FRAS1: variants seen among roughly 807,000 people sequenced by gnomAD.
FRAS1 encodes Fraser extracellular matrix complex subunit 1.
Under a neutral mutation model 435.2 loss-of-function variants are expected in FRAS1, and 290 were observed. The observed-to-expected ratio is 0.67, with a 90% confidence interval of 0.61 to 0.73. The LOEUF is 0.73. FRAS1 is among the 30% of genes least tolerant of loss of function. The probability of loss-of-function intolerance (pLI) is 0.00; values close to 1 mark genes in which losing one functional copy is unlikely to be tolerated. For synonymous variants in FRAS1, 1,800 were observed against 1,851.0 expected (o/e 0.97, Z 0.71); for missense variants, 4,860 against 5,001.5 (o/e 0.97, Z 0.85).
Position 78,372,890 on chromosome 4 carries a change from G to T in FRAS1, c.3010+32G>T, listed in dbSNP as rs762463772. 1.6e-5 allele frequency: 25 copies of T among 1,601,006 alleles called. No homozygotes were observed. The South Asian group carries it at 2.7e-4, about 17-fold the overall frequency. On this transcript the variant is annotated intron_variant, in intron 24 of 73. Transcript: ENST00000512123. ...GTGTAGAGGCCCTGCTCTGTGCTCAGCCATACCTTGGCCACCTCTGATTTG... is the reference window on the plus strand; with the variant it reads ...GTGTAGAGGCCCTGCTCTGTGCTCATCCATACCTTGGCCACCTCTGATTTG...
intron 50 of FRAS1, among the ~76,000 whole-genome samples, chr4:78,466,966 G>A (rs549845289): frequency 6.6e-4 from 101 of 151,978 alleles, no homozygotes; most frequent in Admixed American, 1.1e-3. Context: ...TACATAGTAG[G>A]TATATATATT....
At chr4:78,314,122 T>C (rs1729141295) in intron 15 of FRAS1, among the ~76,000 whole-genome samples, 1 of 152,166 alleles carries the variant, frequency 6.6e-6, no homozygotes, top group African/African-American at 2.4e-5. Flanking sequence ...TTTTCTTAAA[T>C]GCTGATGCTA....
chr4:78,408,260 G>A (rs1457176051), intron 31 of FRAS1, among the ~76,000 whole-genome samples: 1 of 152,108 alleles, frequency 6.6e-6, no homozygotes, highest in Non-Finnish European at 1.5e-5. Flanking sequence ...TGGGAATTAT[G>A]GGAGCTATGA....
chr4:78,083,693 C>T (rs1424296551), intron 2 of FRAS1, among the ~76,000 whole-genome samples: 2 of 133,276 alleles, frequency 1.5e-5, no homozygotes, highest in East Asian at 2.4e-4. Context: ...AAGGGGTACA[C>T]GGTTGTCTTT....
Position 78,115,364 on chromosome 4 carries a change from T to C in FRAS1, c.108+49348T>C, listed in dbSNP as rs555202873. Among the ~76,000 whole-genome samples, 194 of 152,174 alleles carry C rather than the reference T, an allele frequency of 1.3e-3. 1 individual carries two copies. Among genetic ancestry groups the C allele is most frequent in the African/African-American group, 1.4e-3 (58 of 41,534 alleles). Reference sequence around the variant, plus strand: ...CTCATAAAATAACTTAGGGAGGATTTCCTCTTTTTCTATTGATTGGAATAG... The same window carrying C: ...CTCATAAAATAACTTAGGGAGGATTCCCTCTTTTTCTATTGATTGGAATAG... On this transcript the variant is annotated intron_variant, in intron 2 of 73. Transcript: ENST00000512123.
chr4:78,074,860 G>C (rs188744888), intron 2 of FRAS1, among the ~76,000 whole-genome samples: 6 of 152,268 alleles, frequency 3.9e-5, no homozygotes. Flanking sequence ...TAACCGATAA[G>C]CTAAGTTGGA....
chr4:78,306,355 C>T (rs1217489541), intron 14 of FRAS1, among the ~76,000 whole-genome samples: 3 of 148,260 alleles, frequency 2.0e-5, no homozygotes, highest in Non-Finnish European at 4.5e-5. Context: ...AGTTGCTCTT[C>T]TCGAGGAGTA....
At position 78,464,094 on chromosome 4, in the gene FRAS1, T is replaced by C; in HGVS notation, c.6837T>C (p.Ala2279=). The change falls in exon 48 of 74, where the codon GCT becomes GCC. Residue 2279 remains alanine, a synonymous_variant. Coordinates refer to ENST00000512123, the MANE Select transcript of FRAS1 (RefSeq NM_025074.7). ...TTCAGTATGTCCATTCTAGTGAGGC[T>C]GAGAAACATTCAGATGCCTTCAGCT... ...RNVQYVHSSE[A]EKHSDAFSFT... is the part of the protein sequence containing the mutation. The C allele has an allele frequency of 6.2e-7, 1 of 1,613,764 alleles. No individual in the cohort carries two copies. The highest frequency in any genetic ancestry group is 8.5e-7 in the Non-Finnish European group (1 of 1,179,826).
At chr4:78,531,630 T>C (rs778083284) in intron 70 of FRAS1, among the ~76,000 whole-genome samples, 16 of 152,232 alleles carry the variant, frequency 1.1e-4, no homozygotes, top group Non-Finnish European at 2.1e-4. Context: ...TTCTCCCCTG[T>C]TGTCACCTTC....
intron 11 of FRAS1, among the ~76,000 whole-genome samples, 156 bp downstream of exon 11, chr4:78,281,589 C>A (rs1204840379): frequency 6.6e-6 from 1 of 152,164 alleles, no homozygotes; most frequent in African/African-American, 2.4e-5. Flanking sequence ...AATGATAACT[C>A]AGACTTTGAT....
intron 58 of FRAS1, among the ~76,000 whole-genome samples, chr4:78,483,650 A>G (rs1020210387): frequency 4.0e-5 from 6 of 151,574 alleles, no homozygotes; most frequent in African/African-American, 1.5e-4. Flanking sequence ...CAAAAAGCGT[A>G]TACTATGAAA....
At chr4:78,254,870 C>T (rs1020810758) in intron 5 of FRAS1, among the ~76,000 whole-genome samples, 3 of 151,880 alleles carry the variant, frequency 2.0e-5, no homozygotes, top group African/African-American at 7.3e-5. Context: ...GGGAGGATAC[C>T]CTCACAGACA....
chr4:78,149,013 G>T (rs1049819700), intron 2 of FRAS1, among the ~76,000 whole-genome samples: 3 of 152,168 alleles, frequency 2.0e-5, no homozygotes, highest in Non-Finnish European at 4.4e-5. Flanking sequence ...TTTCTTTGGG[G>T]AGAGCTATTT....
At chr4:78,275,000 G>T (rs1726920635) in intron 9 of FRAS1, among the ~76,000 whole-genome samples, 1 of 152,158 alleles carries the variant, frequency 6.6e-6, no homozygotes, top group Non-Finnish European at 1.5e-5. Flanking sequence ...GGGTGCTCCT[G>T]TATTGGGTTC....
intron 2 of FRAS1, among the ~76,000 whole-genome samples, chr4:78,089,963 A>G (rs1578116478): frequency 2.0e-5 from 3 of 152,214 alleles, no homozygotes; most frequent in African/African-American, 4.8e-5. Flanking sequence ...CTTTGTGGCC[A>G]TGAGTTCTCA....
At chr4:78,187,964 A>G (rs985786203) in intron 2 of FRAS1, among the ~76,000 whole-genome samples, 3 of 152,144 alleles carry the variant, frequency 2.0e-5, no homozygotes, top group African/African-American at 4.8e-5. Context: ...TCAGTACATC[A>G]GGATCAACAG....
In FRAS1 at chr4:78,318,867, G is replaced by A; in HGVS notation, c.2018G>A (p.Cys673Tyr). The A allele has an allele frequency of 6.2e-7, 1 of 1,614,012 alleles. No individual in the cohort carries two copies. The highest frequency in any genetic ancestry group is 8.5e-7 in the Non-Finnish European group (1 of 1,179,880). The change falls in exon 18 of 74, where the codon TGT becomes TAT. Residue 673 changes from cysteine to tyrosine, a missense_variant. Cys to Tyr is a radical substitution (Grantham distance 194). Coordinates refer to ENST00000512123, the MANE Select transcript of FRAS1 (RefSeq NM_025074.7). The part of the protein sequence containing the change: ...MGPAPSHCTG[C>Y]KKPEEGLQVE... ...CCCGCACCCTCTCACTGTACTGGGT[G>A]TAAGAAGCCAGAGGAAGGACTGCAA... is the stretch of plus-strand genomic sequence containing the variant.
intron 2 of FRAS1, among the ~76,000 whole-genome samples, chr4:78,207,792 G>A: frequency 6.6e-6 from 1 of 152,144 alleles, no homozygotes; most frequent in East Asian, 1.9e-4. Context: ...TTTGCAGGGT[G>A]AGTAAATACA....
At chr4:78,117,264 A>G (rs547945564) in intron 2 of FRAS1, among the ~76,000 whole-genome samples, 1 of 151,978 alleles carries the variant, frequency 6.6e-6, no homozygotes, top group South Asian at 2.1e-4. Context: ...TGCCCTTAAC[A>G]TTTTTTCCTT....
Sources: allele counts gnomAD v4.1 joint callset (sites outside exome capture counted in the v4.1 genomes callset), GRCh38; gene constraint gnomAD v4.1.1; transcripts MANE v1.5; gene names NCBI Gene and HGNC (gene_info 2026-07-23, HGNC 2026-07-21).